The following KLF8 variants were observed in gnomAD, a reference collection of about 807,000 sequenced individuals.
The protein encoded by KLF8 is KLF transcription factor 8.
Under a neutral mutation model 18.2 loss-of-function variants are expected in KLF8, and 10 were observed. The observed-to-expected ratio is 0.55, with a 90% CI of 0.34 to 0.93. The LOEUF (loss-of-function observed/expected upper bound fraction) is 0.93. Among genes scored for constraint, KLF8 ranks in the 40% least tolerant of loss-of-function variants. The pLI is 0.02. For missense variants in KLF8, 264 were observed against 277.9 expected, an observed-to-expected ratio of 0.95 and a Z score of 0.36; for synonymous variants, 109 against 97.3, an observed-to-expected ratio of 1.12 and a Z score of -0.71.
the KLF8 span, among the ~76,000 whole-genome samples, chrX:56,006,179 C>T: frequency 8.9e-6 from 1 of 112,406 alleles, no homozygotes; most frequent in Non-Finnish European, 1.9e-5. Flanking sequence ...TCTGGAATCT[C>T]CACAGCCTGG....
At chrX:56,052,059 A>G in the KLF8 span, among the ~76,000 whole-genome samples, 461 of 111,684 alleles carry the variant, frequency 4.1e-3, 3 homozygotes, top group African/African-American at 0.014. Flanking sequence ...AGTTGATTGC[A>G]TCGGCTCCTG....
At chrX:56,180,804 T>A in the KLF8 span, among the ~76,000 whole-genome samples, 4 of 112,481 alleles carry the variant, frequency 3.6e-5, no homozygotes, top group African/African-American at 1.3e-4. Context: ...AGTTCTAATT[T>A]GATTGCACTG....
At chrX:56,040,137 G>T in the KLF8 span, among the ~76,000 whole-genome samples, 1 of 111,001 alleles carries the variant, frequency 9.0e-6, no homozygotes, top group African/African-American at 3.3e-5. Flanking sequence ...TGAGACAATG[G>T]GGGCTTCAAG....
the KLF8 span, among the ~76,000 whole-genome samples, chrX:56,024,424 T>C: frequency 4.5e-5 from 5 of 111,257 alleles, no homozygotes; most frequent in Non-Finnish European, 9.4e-5. Context: ...GCCAGCCTGG[T>C]CTGGAACTCC....
intron 3 of KLF8, chrX:56,268,677 C>T (rs973798244): frequency 1.3e-6 from 1 of 776,007 alleles, no homozygotes; most frequent in Admixed American, 7.6e-5. Context: ...TAACCAAATA[C>T]TTGTTCCCCA....
chrX:55,918,752 G>T, the KLF8 span, among the ~76,000 whole-genome samples: 1 of 111,561 alleles, frequency 9.0e-6, no homozygotes, highest in South Asian at 3.8e-4. Flanking sequence ...GTGTGTGTGT[G>T]TGTGTGTGTG....
At chrX:55,972,601 T>C in the KLF8 span, among the ~76,000 whole-genome samples, 1 of 111,592 alleles carries the variant, frequency 9.0e-6, no homozygotes, top group African/African-American at 3.2e-5. Context: ...CCTGATGTGA[T>C]AGTTATGCAT....
rs2066421053 is a variant in KLF8, at chrX:56,233,014, G to A, written c.-321G>A. Reference sequence around the variant, plus strand: ...TTTGTCCAAGGAAAAGCTGCAGGGGGGAGGATTCTTTTTAGGAAGTCTACT... The same window carrying A: ...TTTGTCCAAGGAAAAGCTGCAGGGGAGAGGATTCTTTTTAGGAAGTCTACT... On this transcript the variant is annotated 5_prime_UTR_variant, in exon 1 of 6. Coordinates refer to ENST00000468660, the MANE Select transcript of KLF8 (RefSeq NM_007250.5). The A allele has an allele frequency of 3.0e-6, 1 of 328,279 alleles. No homozygotes were observed. The highest frequency in any genetic ancestry group is 2.5e-5 in the African/African-American group (1 of 39,239). 27.1% of individuals were successfully genotyped at this position (328,279 alleles called of 1,213,427 possible).
the KLF8 span, among the ~76,000 whole-genome samples, chrX:56,052,348 C>G: frequency 1.8e-5 from 2 of 112,132 alleles, no homozygotes; most frequent in African/African-American, 6.5e-5. Context: ...AGGTGCTCTG[C>G]TTTTTAGAGT....
chrX:56,064,509 A>C, the KLF8 span, among the ~76,000 whole-genome samples: 5 of 111,380 alleles, frequency 4.5e-5, no homozygotes, highest in East Asian at 1.1e-3. Context: ...ACCTGCTTAC[A>C]TTCAAGCTTA....
the KLF8 span, among the ~76,000 whole-genome samples, chrX:56,111,955 A>G: frequency 9.0e-6 from 1 of 111,632 alleles, no homozygotes; most frequent in East Asian, 2.8e-4. Flanking sequence ...CCAGAAATAC[A>G]ATTTGACCCA....
At chrX:56,061,986 C>CTTTTTTTTTTTTTTTTTTTTTTTTTTTTT in the KLF8 span, among the ~76,000 whole-genome samples, 19 of 57,121 alleles carry the variant, frequency 3.3e-4, no homozygotes, top group African/African-American at 1.7e-3. Context: ...GCAACCCCTG[C>CTTTTTTTTTTTTTTTTTTTTTTTTTTTTT]TTTTTTTTTT....
chrX:55,948,828 A>G, the KLF8 span, among the ~76,000 whole-genome samples: 7 of 112,107 alleles, frequency 6.2e-5, no homozygotes, highest in Non-Finnish European at 1.1e-4. Context: ...GTGACTTACT[A>G]AACTTCCCAA....
the KLF8 span, among the ~76,000 whole-genome samples, chrX:56,226,113 GA>G: frequency 2.7e-5 from 3 of 111,952 alleles, no homozygotes; most frequent in Non-Finnish European, 5.6e-5. Context: ...AGGCTCAGTG[GA>G]AAAATGCCAT....
chrX:56,153,414 T>G, the KLF8 span, among the ~76,000 whole-genome samples: 1 of 111,315 alleles, frequency 9.0e-6, no homozygotes, highest in Non-Finnish European at 1.9e-5. Flanking sequence ...ATGTCTAGTT[T>G]AAAAGAAGAC....
the KLF8 span, among the ~76,000 whole-genome samples, chrX:56,079,055 A>T: frequency 9.0e-6 from 1 of 111,029 alleles, no homozygotes; most frequent in Admixed American, 9.6e-5. Flanking sequence ...TAGTCTTGCT[A>T]GCGGTCTATC....
chrX:56,144,919 A>G, the KLF8 span, among the ~76,000 whole-genome samples: 1 of 106,779 alleles, frequency 9.4e-6, no homozygotes, highest in Non-Finnish European at 1.9e-5. Context: ...TAGCCTCCCG[A>G]GTAGCTGGGA....
At chrX:56,188,205 T>G in the KLF8 span, among the ~76,000 whole-genome samples, 1 of 110,459 alleles carries the variant, frequency 9.1e-6, no homozygotes, top group East Asian at 2.8e-4. Context: ...TGTACAAAAA[T>G]CACATTCTTA....
chrX:56,164,596 C>T, the KLF8 span, among the ~76,000 whole-genome samples: 1 of 101,479 alleles, frequency 9.9e-6, no homozygotes, highest in Admixed American at 1.2e-4. Flanking sequence ...TTTTTATCCT[C>T]TAGAATATAT....
Sources: allele counts gnomAD v4.1 joint callset (sites outside exome capture counted in the v4.1 genomes callset), GRCh38; gene constraint gnomAD v4.1.1; transcripts MANE v1.5; gene names NCBI Gene and HGNC (gene_info 2026-07-23, HGNC 2026-07-21).